The following COL16A1 variants were observed in gnomAD, a reference collection of about 807,000 sequenced individuals.
COL16A1 encodes collagen alpha-1(XVI) chain.
COL16A1 carries 189 observed loss-of-function variants against 266.3 expected under a neutral mutation model. The ratio of observed to expected loss-of-function variants is 0.71; its 90% confidence interval spans 0.63 to 0.80. COL16A1 has a LOEUF of 0.80. Among genes scored for constraint, COL16A1 ranks in the 30% least tolerant of loss-of-function variants. The pLI is 0.00. For missense variants in COL16A1, 1,928 were observed against 2,122.4 expected, an observed-to-expected ratio of 0.91 and a Z score of 1.80; for synonymous variants, 740 against 782.3, an observed-to-expected ratio of 0.95 and a Z score of 0.90.
chr1:31,686,937 C>T (rs766883609), intron 26 of COL16A1, among the ~76,000 whole-genome samples: 4 of 152,214 alleles, frequency 2.6e-5, no homozygotes, highest in Middle Eastern at 6.8e-3. Context: ...AGAGTAAACC[C>T]GAAGAGAAGG....
At chr1:31,658,706 G>T in intron 63 of COL16A1, 129 bp from the exon 64 acceptor site, 1 of 1,051,526 alleles carries the variant, frequency 9.5e-7, no homozygotes, top group Non-Finnish European at 1.4e-6. Flanking sequence ...TGAACTTGCA[G>T]CAGGACTCTG....
In COL16A1 at chr1:31,684,543, C is replaced by T. The variant is rs1341571287; in HGVS notation, c.2140G>A (p.Ala714Thr). 1.2e-5 allele frequency: 19 copies of T among 1,613,312 alleles called. No homozygotes were observed. Among genetic ancestry groups the T allele is most frequent in the East Asian group, 2.2e-5 (1 of 44,882 alleles). ...LSGEPGVQGP[A>T]GPKGEKGDGC... is the part of the protein sequence containing the mutation. ...CTAACCTTTTCTCCTTTTGGCCCCGCGGGGCCCTGAACTCCAGGCTCTCCT... is the reference window on the plus strand; with the variant it reads ...CTAACCTTTTCTCCTTTTGGCCCCGTGGGGCCCTGAACTCCAGGCTCTCCT... The change falls in exon 31 of 71, where the codon GCG becomes ACG. Residue 714 changes from alanine (A) to threonine (T), a missense_variant. Around this residue, in one of 2 missense-constraint regions of COL16A1, gnomAD observed 1,552 missense variants for 1,637.2 expected, o/e 0.95. Transcript: ENST00000373672.
At chr1:31,672,869 G>T in intron 44 of COL16A1, 29 bp from the exon 45 acceptor site, 2 of 1,606,692 alleles carry the variant, frequency 1.2e-6, no homozygotes, top group Non-Finnish European at 1.7e-6. Context: ...GAGGAGTGGG[G>T]CCTGGGTTAG....
At chr1:31,662,513 G>GCA (rs893720490) in intron 57 of COL16A1, 74 bp downstream of exon 57, 361 of 1,543,664 alleles carry the variant, frequency 2.3e-4, no homozygotes, top group Admixed American at 1.2e-4. Context: ...ACACACAGGT[G>GCA]CACACACACA....
rs753075292 is a variant in COL16A1 at position 31,672,781 on chromosome 1, C to T, written c.2919G>A (p.Lys973=). 6.2e-7 allele frequency: 1 copy of T among 1,614,178 alleles called. No homozygotes were observed. The highest frequency in any genetic ancestry group is 8.5e-7 in the Non-Finnish European group (1 of 1,180,002). ...QRAHPGYLVE[K]GEKGDQGIPG... ...GGATGCCCTGGTCTCCCTTCTCTCC[C>T]TTCTCCACGAGGTACCCTGGGTGGG... is the stretch of plus-strand genomic sequence containing the variant. Residue 973 remains lysine, a synonymous_variant, in exon 45 of 71, where the codon AAG becomes AAA. Coordinates refer to ENST00000373672, the MANE Select transcript of COL16A1 (RefSeq NM_001856.4).
At chr1:31,677,382 C>A (rs1022655977) in intron 42 of COL16A1, among the ~76,000 whole-genome samples, 4 of 152,264 alleles carry the variant, frequency 2.6e-5, no homozygotes, top group Non-Finnish European at 5.9e-5. Flanking sequence ...AGCCACCACG[C>A]CTGGCCCGAA....
Position 31,697,998 on chromosome 1 carries a change from C to T in COL16A1, c.565G>A (p.Ala189Thr), listed in dbSNP as rs1166642872. 2 of 1,613,368 alleles carry T rather than the reference C, an allele frequency of 1.2e-6. No homozygotes were observed. The highest frequency in any genetic ancestry group is 1.7e-6 in the Non-Finnish European group (2 of 1,180,042). Reference protein sequence around the residue: ...VASVHVDCSSASSQPLGPRRP... With the variant: ...VASVHVDCSSTSSQPLGPRRP... ...CGGGGCCCCAGAGGCTGGGAGGAGG[C>T]TGAGCTGCAGTCCACGTGCACAGAG... Residue 189 changes from alanine (A) to threonine (T), a missense_variant, in exon 6 of 71, where the codon GCC becomes ACC. By Grantham distance (58) the Ala-to-Thr change is moderately conservative (BLOSUM62 0). Around this residue, in one of 2 missense-constraint regions of COL16A1, gnomAD observed 1,552 missense variants for 1,637.2 expected, o/e 0.95. Transcript: ENST00000373672. This position sits in a 1 kb window ranked among gnomAD's most constrained non-coding sequence, Gnocchi z 4.2.
At chr1:31,702,267 C>T (rs1284911779) in intron 1 of COL16A1, 40 bp from the exon 2 acceptor site, 1 of 1,602,060 alleles carries the variant, frequency 6.2e-7, no homozygotes, top group African/African-American at 1.3e-5. Flanking sequence ...TTTCTGAGTT[C>T]ACACAGCACA....
rs541389512 is a variant in COL16A1 at position 31,661,283 on chromosome 1, G to C, written c.3771+131C>G. The C allele has an allele frequency of 2.0e-6, 3 of 1,521,686 alleles. No individual in the cohort carries two copies. The East Asian group carries it at 6.8e-5, about 34-fold the overall frequency. The allele number at this position is 1,521,686 out of a possible 1,614,324, so 94.3% of individuals were successfully genotyped here. ...AGAGAAGCCCTGACCCAGTCTGCCAGGCACCAGTGGCCCCAGGAGGCTCTG... is the reference window on the plus strand; with the variant it reads ...AGAGAAGCCCTGACCCAGTCTGCCACGCACCAGTGGCCCCAGGAGGCTCTG... On this transcript the variant is annotated intron_variant, in intron 60 of 70. Transcript: ENST00000373672.
chr1:31,683,161 G>A, intron 36 of COL16A1, 33 bp downstream of exon 36: 1 of 1,613,978 alleles, frequency 6.2e-7, no homozygotes, highest in Non-Finnish European at 8.5e-7. Context: ...CTGGAATACT[G>A]CAGGCCCAAT....
At chr1:31,687,124 G>C (rs955549787) in intron 26 of COL16A1, among the ~76,000 whole-genome samples, 1 of 152,216 alleles carries the variant, frequency 6.6e-6, no homozygotes, top group African/African-American at 2.4e-5. Context: ...GCTCACGCCT[G>C]TAATCCCAGC....
In COL16A1 at chr1:31,697,883, T is replaced by C; in HGVS notation, c.657+23A>G. The C allele has an allele frequency of 6.4e-7, 1 of 1,556,820 alleles. No individual in the cohort carries two copies. Among genetic ancestry groups the C allele is most frequent in the Non-Finnish European group, 8.7e-7 (1 of 1,149,350 alleles). On this transcript the variant is annotated intron_variant, in intron 6 of 70. Coordinates refer to ENST00000373672, the MANE Select transcript of COL16A1 (RefSeq NM_001856.4). This position sits in a 1 kb window ranked among gnomAD's most constrained non-coding sequence, Gnocchi z 4.2. ...GGTTCCCAGAAGGCAGGAACAGAGGTCAGGGCCTGACCTAGCACTCACCGA... is the reference window on the plus strand; with the variant it reads ...GGTTCCCAGAAGGCAGGAACAGAGGCCAGGGCCTGACCTAGCACTCACCGA...
chr1:31,665,068 G>A (rs1046661037), intron 56 of COL16A1, 104 bp downstream of exon 56: 1 of 1,511,964 alleles, frequency 6.6e-7, no homozygotes, highest in African/African-American at 1.4e-5. Flanking sequence ...GTGCAACTGG[G>A]TCAGTCTTGG....
chr1:31,684,300 C>G (rs922003286), intron 31 of COL16A1, 69 bp from the exon 32 acceptor site: 54 of 1,447,674 alleles, frequency 3.7e-5, no homozygotes, highest in Non-Finnish European at 4.5e-5. Flanking sequence ...ACGCCCTGCA[C>G]CCCTCTGAAC....
chr1:31,656,717 C>T lies in COL16A1; in HGVS notation c.4057-273G>A, dbSNP rs953437016. 5.3e-5 allele frequency among the ~76,000 whole-genome samples: 8 copies of T among 151,572 alleles called. No individual in the cohort carries two copies. Among genetic ancestry groups the T allele is most frequent in the Admixed American group, 1.3e-4 (2 of 15,236 alleles). ...AATGAGAGGGCCAGTCTGTGGCATA[C>T]TGGGGGGCCTGGAAAGACCTGGTAC... is the stretch of plus-strand genomic sequence containing the variant. On this transcript the variant is annotated intron_variant, in intron 65 of 70. Transcript: ENST00000373672. This position sits in a 1 kb window ranked among gnomAD's most constrained non-coding sequence, Gnocchi z 4.2.
At chr1:31,665,732 C>T in intron 54 of COL16A1, 114 bp from the exon 55 acceptor site, 1 of 1,591,402 alleles carries the variant, frequency 6.3e-7, no homozygotes, top group Non-Finnish European at 8.6e-7. Context: ...TTTGCCCTCC[C>T]CTCTGCCCAC....
In COL16A1 at chr1:31,684,110, G is replaced by C; in HGVS notation, c.2282C>G (p.Pro761Arg). Reference protein sequence around the residue: ...GPEGVGRPGKPGQPGLPGVQG... With the variant: ...GPEGVGRPGKRGQPGLPGVQG... ...AGGGCCGGAGGGCAGGCAACTCACG[G>C]GTTTACCAGGTCGGCCCACGCCTTC... The change falls in exon 32 of 71, where the codon CCC becomes CGC. Residue 761 changes from proline to arginine, a missense_variant and splice_region_variant. Physicochemically the swap from Pro to Arg is moderately radical, Grantham distance 103. Around this residue, in one of 2 missense-constraint regions of COL16A1, gnomAD observed 1,552 missense variants for 1,637.2 expected, o/e 0.95. Transcript: ENST00000373672. 1.3e-6 allele frequency: 2 copies of C among 1,591,168 alleles called. No homozygotes were observed.
intron 37 of COL16A1, 121 bp downstream of exon 37, chr1:31,682,813 G>C: frequency 2.4e-6 from 3 of 1,229,312 alleles, no homozygotes; most frequent in South Asian, 2.9e-5. Flanking sequence ...CTGGGCTGAG[G>C]CCTCTCTCCT....
At position 31,667,957 on chromosome 1, in the gene COL16A1, G is replaced by A. The variant is rs12129964; in HGVS notation, c.3303+208C>T. ...CCTGGCAGAGTGCTCTGAGAGTCAGGCCTGAGCAGAGTGGTGGGACCAATC... is the reference window on the plus strand; with the variant it reads ...CCTGGCAGAGTGCTCTGAGAGTCAGACCTGAGCAGAGTGGTGGGACCAATC... On this transcript the variant is annotated intron_variant, in intron 51 of 70. Transcript: ENST00000373672. Among the ~76,000 whole-genome samples the A allele has an allele frequency of 0.032, 4,814 of 152,310 alleles. 96 individuals carry two copies. The highest frequency in any genetic ancestry group is 0.05 in the Non-Finnish European group (3,388 of 68,018).
Sources: allele counts gnomAD v4.1 joint callset (sites outside exome capture counted in the v4.1 genomes callset), GRCh38; gene constraint gnomAD v4.1.1; regional missense constraint gnomAD v4.1.1; non-coding constraint Gnocchi (gnomAD v3.1); transcripts MANE v1.5; gene names NCBI Gene and HGNC (gene_info 2026-07-23, HGNC 2026-07-21).